Variants in KLHL29 observed in about 807,000 individuals in gnomAD.
KLHL29 encodes kelch like family member 29.
A neutral mutation model predicts 80.4 loss-of-function variants in KLHL29; 21 were observed. The observed-to-expected ratio is 0.26, with a 90% confidence interval of 0.19 to 0.38. The LOEUF (loss-of-function observed/expected upper bound fraction) is 0.38. Ranked by LOEUF, KLHL29 falls within the 10% of genes least tolerant of loss-of-function variation. The pLI, the probability that KLHL29 is intolerant of heterozygous loss-of-function variation, is 1.00. For missense variants in KLHL29, 867 were observed against 1,223.9 expected (o/e 0.71, Z 4.35); for synonymous variants, 511 against 526.8 (o/e 0.97, Z 0.41).
At chr2:23,627,124 C>G (rs1014575244) in intron 3 of KLHL29, among the ~76,000 whole-genome samples, 2 of 152,222 alleles carry the variant, frequency 1.3e-5, no homozygotes, top group African/African-American at 4.8e-5. Context: ...CCTGCCTCTT[C>G]CACCACTGCT....
At chr2:23,583,781 T>C (rs1199269551) in intron 3 of KLHL29, among the ~76,000 whole-genome samples, 1 of 152,184 alleles carries the variant, frequency 6.6e-6, no homozygotes, top group Non-Finnish European at 1.5e-5. Context: ...GGGAAATTCT[T>C]TAAATCAAAA....
chr2:23,421,919 C>T (rs1662822190), intron 1 of KLHL29, among the ~76,000 whole-genome samples: 1 of 150,264 alleles, frequency 6.7e-6, no homozygotes, highest in Non-Finnish European at 1.5e-5. Context: ...GTTTATCTGC[C>T]TCTGTGTCTG....
At chr2:23,525,739 ACCCG>A (rs1212667997) in intron 2 of KLHL29, among the ~76,000 whole-genome samples, 7 of 10,634 alleles carry the variant, frequency 6.6e-4, no homozygotes, top group Non-Finnish European at 1.7e-3. Context: ...CCCCCCCCCC[ACCCG>A]AGGCGAGCCA....
intron 2 of KLHL29, among the ~76,000 whole-genome samples, chr2:23,493,481 T>C (rs1665164534): frequency 6.6e-6 from 1 of 152,226 alleles, no homozygotes; most frequent in Non-Finnish European, 1.5e-5. Context: ...TGGTGTACAT[T>C]GTACGATCTT....
At chr2:23,693,550 G>A (rs773863063) in intron 8 of KLHL29, 22 bp downstream of exon 8, 27 of 1,537,104 alleles carry the variant, frequency 1.8e-5, no homozygotes, top group South Asian at 1.3e-4. Context: ...CCTGTCCCCC[G>A]CCCCTTCTCT....
At position 23,429,544 on chromosome 2, in the gene KLHL29, G is replaced by A. The variant is rs779410843; in HGVS notation, c.-154+43764G>A. ...GAGGTGGGCGGATTACCTGAGGTCC[G>A]GAGTTTGAGACCAGCCTGGCCAACA... On this transcript the variant is annotated intron_variant, in intron 1 of 13. Transcript: ENST00000486442. Among the ~76,000 whole-genome samples the A allele has an allele frequency of 5.9e-5, 9 of 152,292 alleles. 1 individual carries two copies. The South Asian group carries it at 8.3e-4, about 14-fold the overall frequency.
chr2:23,551,416 G>A (rs943703206), intron 2 of KLHL29, among the ~76,000 whole-genome samples: 2 of 152,134 alleles, frequency 1.3e-5, no homozygotes, highest in Admixed American at 6.5e-5. Flanking sequence ...TGGGAAGGGA[G>A]GGAAATGGGA....
intron 2 of KLHL29, among the ~76,000 whole-genome samples, chr2:23,476,540 A>G (rs1169702270): frequency 1.3e-5 from 2 of 152,174 alleles, no homozygotes; most frequent in Non-Finnish European, 2.9e-5. Context: ...CAATGTATCA[A>G]GCCATTTCGT....
At chr2:23,671,009 CACCTCCT>C (rs1670730491) in intron 5 of KLHL29, among the ~76,000 whole-genome samples, 1 of 46,700 alleles carries the variant, frequency 2.1e-5, no homozygotes, top group African/African-American at 7.1e-5. Context: ...TCCCCCCCCC[CACCTCCT>C]CCCTTCCCTC....
chr2:23,471,667 C>T (rs530962100), intron 1 of KLHL29, among the ~76,000 whole-genome samples: 60 of 152,220 alleles, frequency 3.9e-4, no homozygotes, highest in Admixed American at 3.3e-3. Context: ...TTAGCTTTTA[C>T]GATTTGTTTT....
At chr2:23,550,165 G>A (rs193074658) in intron 2 of KLHL29, among the ~76,000 whole-genome samples, 90 of 152,264 alleles carry the variant, frequency 5.9e-4, no homozygotes, top group African/African-American at 2.1e-3. Flanking sequence ...GCACTGAGCC[G>A]GGTATAATGG....
intron 1 of KLHL29, among the ~76,000 whole-genome samples, chr2:23,421,693 G>A (rs944505770): frequency 1.3e-5 from 2 of 150,264 alleles, no homozygotes; most frequent in African/African-American, 2.5e-5. Flanking sequence ...GTGTGTGACT[G>A]TGTATGTGTG....
chr2:23,630,347 T>G (rs1669437768), intron 3 of KLHL29, among the ~76,000 whole-genome samples: 1 of 152,148 alleles, frequency 6.6e-6, no homozygotes, highest in South Asian at 2.1e-4. Context: ...CATTTATGGG[T>G]CTACTGGCCA....
intron 3 of KLHL29, among the ~76,000 whole-genome samples, chr2:23,589,961 C>G (rs1219160952): frequency 6.6e-6 from 1 of 152,238 alleles, no homozygotes; most frequent in Non-Finnish European, 1.5e-5. Flanking sequence ...CTTGCAAAGG[C>G]ATGCAGCTGG....
chr2:23,678,438 A>C (rs376003979), intron 5 of KLHL29, among the ~76,000 whole-genome samples: 1 of 152,170 alleles, frequency 6.6e-6, no homozygotes, highest in Non-Finnish European at 1.5e-5. Context: ...TGGCACCACT[A>C]TCATAGGAAT....
intron 1 of KLHL29, among the ~76,000 whole-genome samples, chr2:23,450,431 A>G (rs531597968): frequency 6.6e-6 from 1 of 152,144 alleles, no homozygotes; most frequent in South Asian, 2.1e-4. Flanking sequence ...GCTGTGAGAC[A>G]GATCAGGAAG....
intron 5 of KLHL29, among the ~76,000 whole-genome samples, chr2:23,652,132 G>GT (rs1241991314): frequency 2.0e-5 from 3 of 152,208 alleles, no homozygotes; most frequent in Non-Finnish European, 4.4e-5. Context: ...ACCTGTGGGT[G>GT]TTTTCAGTGA....
At chr2:23,537,449 C>T (rs1367366339) in intron 2 of KLHL29, among the ~76,000 whole-genome samples, 2 of 84,310 alleles carry the variant, frequency 2.4e-5, no homozygotes, top group Non-Finnish European at 6.4e-5. Flanking sequence ...CACACACACA[C>T]ACACACACAC....
At chr2:23,556,953 C>T (rs1230378116) in intron 2 of KLHL29, among the ~76,000 whole-genome samples, 1 of 152,190 alleles carries the variant, frequency 6.6e-6, no homozygotes, top group African/African-American at 2.4e-5. Context: ...AGGTTCGAGT[C>T]CTAGTGTCTT....
Sources: gnomAD v4.1 joint callset for allele counts (sites outside exome capture counted in the v4.1 genomes callset) on GRCh38, gnomAD v4.1.1 for gene constraint, MANE v1.5 for transcripts, NCBI Gene and HGNC (gene_info 2026-07-23, HGNC 2026-07-21) for gene names.